The following CCDC3 variants were observed in gnomAD, a reference collection of about 807,000 sequenced individuals.
CCDC3 encodes coiled-coil domain containing 3, also known as coiled-coil domain-containing protein 3.
Under a neutral mutation model 21.4 loss-of-function variants are expected in CCDC3, and 24 were observed. That is an observed-to-expected ratio of 1.12 (90% CI 0.81 to 1.58). The LOEUF (loss-of-function observed/expected upper bound fraction) is 1.58. Ranked by LOEUF, CCDC3 falls within the 40% of genes most tolerant of loss-of-function variation. The pLI is 0.00. For missense variants in CCDC3, 425 were observed against 360.9 expected, an observed-to-expected ratio of 1.18 and a Z score of -1.44; for synonymous variants, 186 against 166.0, an observed-to-expected ratio of 1.12 and a Z score of -0.93.
intron 2 of CCDC3, among the ~76,000 whole-genome samples, chr10:12,967,636 G>A (rs764266316): frequency 1.9e-4 from 29 of 152,066 alleles, no homozygotes; most frequent in African/African-American, 6.8e-4. Context: ...GGAAAAAAGT[G>A]AAAAGGGATG....
At chr10:13,023,164 G>A (rs939398713) in intron 5 of CCDC3, among the ~76,000 whole-genome samples, 1 of 151,940 alleles carries the variant, frequency 6.6e-6, no homozygotes, top group African/African-American at 2.4e-5. Context: ...ATTTAACGCT[G>A]CTATTGTACA....
At chr10:12,966,719 A>G (rs1196187959) in intron 2 of CCDC3, among the ~76,000 whole-genome samples, 6 of 152,218 alleles carry the variant, frequency 3.9e-5, no homozygotes, top group Non-Finnish European at 4.4e-5. Context: ...TATCATCTTC[A>G]TCAGTTAAGA....
chr10:12,916,601 CAG>C (rs780831418), intron 2 of CCDC3, among the ~76,000 whole-genome samples: 2 of 138,226 alleles, frequency 1.4e-5, no homozygotes, highest in Non-Finnish European at 3.1e-5. Context: ...GCCTGGGTGA[CAG>C]AGAGAGACTC....
At chr10:13,058,668 AAAC>A in intron 4 of CCDC3, 1 of 516,532 alleles carries the variant, frequency 1.9e-6, no homozygotes, top group Non-Finnish European at 3.5e-6. Flanking sequence ...CAACTTTAAC[AAAC>A]CCCACCCTGT....
At chr10:13,013,601 A>T (rs918848977) in intron 5 of CCDC3, among the ~76,000 whole-genome samples, 1 of 152,222 alleles carries the variant, frequency 6.6e-6, no homozygotes, top group Admixed American at 6.5e-5. Flanking sequence ...GGCAGATACC[A>T]TGGTAATCCA....
chr10:12,960,125 G>A (rs1032545811), intron 2 of CCDC3, among the ~76,000 whole-genome samples: 2 of 150,838 alleles, frequency 1.3e-5, no homozygotes. Flanking sequence ...CTGCATTCCA[G>A]CCTGGGCCAC....
At chr10:13,054,235 A>G (rs2131427501) in intron 4 of CCDC3, among the ~76,000 whole-genome samples, 1 of 151,592 alleles carries the variant, frequency 6.6e-6, no homozygotes, top group Admixed American at 6.6e-5. Flanking sequence ...AGCTATTGCA[A>G]ACAATCTGCA....
chr10:12,952,366 C>T (rs556901338), intron 2 of CCDC3, among the ~76,000 whole-genome samples: 17 of 152,316 alleles, frequency 1.1e-4, no homozygotes, highest in African/African-American at 2.6e-4. Flanking sequence ...TAATCTTTTA[C>T]GGTCATGGAC....
intron 2 of CCDC3, among the ~76,000 whole-genome samples, chr10:12,967,775 C>T (rs928739092): frequency 1.3e-5 from 2 of 152,128 alleles, no homozygotes; most frequent in African/African-American, 4.8e-5. Flanking sequence ...CATGCCAATT[C>T]TAGGGAAAGA....
intron 2 of CCDC3, among the ~76,000 whole-genome samples, chr10:12,975,275 G>A (rs1371105303): frequency 6.6e-6 from 1 of 152,094 alleles, no homozygotes; most frequent in Non-Finnish European, 1.5e-5. Context: ...GCGAGGAGGT[G>A]CTCAGTCCTC....
chr10:12,904,278 G>A (rs543111235), intron 2 of CCDC3, among the ~76,000 whole-genome samples: 1 of 151,862 alleles, frequency 6.6e-6, no homozygotes, highest in South Asian at 2.1e-4. Context: ...ACCAGCCTGG[G>A]AAACACAGGG....
intron 4 of CCDC3, among the ~76,000 whole-genome samples, chr10:13,069,006 A>G (rs999101863): frequency 6.6e-6 from 1 of 152,280 alleles, no homozygotes; most frequent in African/African-American, 2.4e-5. Flanking sequence ...CTGTAATCCC[A>G]GCACTTTGGG....
chr10:13,004,860 C>T (rs897788522), upstream of CCDC3, among the ~76,000 whole-genome samples: 6 of 152,110 alleles, frequency 3.9e-5, no homozygotes, highest in African/African-American at 1.4e-4. Context: ...CCACTGAGTA[C>T]ATCAATTGCC....
At chr10:12,910,190 T>G (rs536785266) in intron 2 of CCDC3, among the ~76,000 whole-genome samples, 28 of 152,340 alleles carry the variant, frequency 1.8e-4, no homozygotes, top group South Asian at 4.1e-4. Context: ...GGAGTTGAGA[T>G]AGCCCTAGAG....
At chr10:12,957,631 G>A (rs1215395789) in intron 2 of CCDC3, among the ~76,000 whole-genome samples, 2 of 152,122 alleles carry the variant, frequency 1.3e-5, no homozygotes, top group Non-Finnish European at 2.9e-5. Context: ...CCTCACGATA[G>A]TGAGAGTTCT....
intron 2 of CCDC3, among the ~76,000 whole-genome samples, chr10:12,942,328 T>C (rs1257157105): frequency 6.6e-6 from 1 of 152,198 alleles, no homozygotes; most frequent in Non-Finnish European, 1.5e-5. Context: ...CTGGTACTGA[T>C]ACAGGAGCTA....
Position 12,898,354 on chromosome 10 carries a change from A to G in CCDC3, c.*62T>C. 2.0e-6 allele frequency: 3 copies of G among 1,478,568 alleles called. No homozygotes were observed. The highest frequency in any genetic ancestry group is 2.7e-6 in the Non-Finnish European group (3 of 1,099,260). The allele number at this position is 1,478,568 out of a possible 1,614,324, so 91.6% of individuals were successfully genotyped here. The stretch of plus-strand genomic sequence containing the variant: ...CCCTTGAAATAGCTGCATGTACGAA[A>G]CCTCACTCATTCTCAATTACCGTCA... On this transcript the variant is annotated 3_prime_UTR_variant, in exon 3 of 3. Transcript: ENST00000378825.
At chr10:13,070,828 T>A (rs1314758420) in intron 4 of CCDC3, among the ~76,000 whole-genome samples, 1 of 152,260 alleles carries the variant, frequency 6.6e-6, no homozygotes, top group African/African-American at 2.4e-5. Flanking sequence ...CTATCATGAT[T>A]TGTTTTTAAC....
intron 5 of CCDC3, among the ~76,000 whole-genome samples, chr10:13,019,437 G>A (rs925625316): frequency 5.9e-5 from 9 of 152,106 alleles, no homozygotes; most frequent in Non-Finnish European, 7.3e-5. Context: ...CAATGAGAGC[G>A]TTTCTCCCAC....
Sources: allele counts gnomAD v4.1 joint callset (sites outside exome capture counted in the v4.1 genomes callset), GRCh38; gene constraint gnomAD v4.1.1; transcripts MANE v1.5; gene names NCBI Gene and HGNC (gene_info 2026-07-23, HGNC 2026-07-21).